Variants in LRRC4C observed in about 807,000 individuals in gnomAD.
LRRC4C encodes the protein leucine-rich repeat-containing protein 4C.
A neutral mutation model predicts 33.6 loss-of-function variants in LRRC4C; 5 were observed. The observed-to-expected ratio is 0.15, with a 90% CI of 0.08 to 0.31. The LOEUF is 0.31. Ranked by LOEUF, LRRC4C falls within the 10% of genes least tolerant of loss-of-function variation. The pLI, the probability that LRRC4C is intolerant of heterozygous loss-of-function variation, is 1.00. For synonymous variants in LRRC4C, 329 were observed against 302.0 expected, an observed-to-expected ratio of 1.09 and a Z score of -0.93; for missense variants, 560 against 796.7, an observed-to-expected ratio of 0.70 and a Z score of 3.58.
At chr11:41,434,422 T>C (rs1371882853) in intron 1 of LRRC4C, among the ~76,000 whole-genome samples, 3 of 152,126 alleles carry the variant, frequency 2.0e-5, no homozygotes, top group Non-Finnish European at 4.4e-5. Context: ...ACTTTGATGA[T>C]GTATGGTCAA....
chr11:40,324,788 T>C (rs55856339), intron 3 of LRRC4C, among the ~76,000 whole-genome samples: 2 of 152,070 alleles, frequency 1.3e-5, no homozygotes, highest in Non-Finnish European at 2.9e-5. Flanking sequence ...AAGGACAAGG[T>C]TGGGGTCAGA....
In LRRC4C at chr11:40,130,876, ATT is replaced by A. The variant is rs368182329; in HGVS notation, c.-43+9923_-43+9924del. Among the ~76,000 whole-genome samples the A allele has an allele frequency of 5.1e-4, 78 of 151,536 alleles. 2 individuals carry two copies. In the South Asian group the frequency reaches 0.016, roughly 31 times the overall value. ...CTTTAGATTGAAATTACCTACTCTGATTTTTTTTTAAATCAAAATTGTACCCA... is the reference window on the plus strand; with the variant it reads ...CTTTAGATTGAAATTACCTACTCTGATTTTTTTAAATCAAAATTGTACCCA... On this transcript the variant is annotated intron_variant, in intron 6 of 6. Coordinates refer to ENST00000528697, the MANE Select transcript of LRRC4C (RefSeq NM_001258419.2).
chr11:40,993,985 A>T (rs1592285572), intron 1 of LRRC4C, among the ~76,000 whole-genome samples: 1 of 152,056 alleles, frequency 6.6e-6, no homozygotes, highest in East Asian at 1.9e-4. Flanking sequence ...TGCTGTGGAT[A>T]ACGGGAACTG....
At chr11:40,204,696 C>A (rs982240121) in intron 5 of LRRC4C, among the ~76,000 whole-genome samples, 3 of 152,192 alleles carry the variant, frequency 2.0e-5, no homozygotes, top group African/African-American at 7.2e-5. Flanking sequence ...TTCCCCTTAA[C>A]AACCTCCAGG....
intron 3 of LRRC4C, among the ~76,000 whole-genome samples, chr11:40,378,464 T>A (rs1948741207): frequency 6.6e-6 from 1 of 152,086 alleles, no homozygotes; most frequent in Non-Finnish European, 1.5e-5. Flanking sequence ...AGTATTTTAT[T>A]AATACTGACT....
At chr11:40,139,302 G>A (rs1259614651) in intron 6 of LRRC4C, among the ~76,000 whole-genome samples, 1 of 152,152 alleles carries the variant, frequency 6.6e-6, no homozygotes, top group Admixed American at 6.5e-5. Context: ...TAAGTTAGGA[G>A]TGGAACACAG....
At chr11:41,090,052 T>G (rs1203371547) in intron 1 of LRRC4C, among the ~76,000 whole-genome samples, 1 of 152,040 alleles carries the variant, frequency 6.6e-6, no homozygotes, top group Non-Finnish European at 1.5e-5. Flanking sequence ...TGTCCAAATA[T>G]AGGAGCTATT....
chr11:40,723,799 A>G (rs1449869035), intron 2 of LRRC4C, among the ~76,000 whole-genome samples: 1 of 152,218 alleles, frequency 6.6e-6, no homozygotes, highest in Non-Finnish European at 1.5e-5. Flanking sequence ...CACCCACTTA[A>G]CAGACAAAGA....
At chr11:40,807,806 C>A (rs1433118873) in intron 2 of LRRC4C, among the ~76,000 whole-genome samples, 1 of 152,178 alleles carries the variant, frequency 6.6e-6, no homozygotes, top group Non-Finnish European at 1.5e-5. Context: ...TGTATGGGAT[C>A]TTAAGACAAA....
At chr11:41,358,113 A>G (rs1952225533) in intron 1 of LRRC4C, among the ~76,000 whole-genome samples, 1 of 152,170 alleles carries the variant, frequency 6.6e-6, no homozygotes, top group African/African-American at 2.4e-5. Context: ...AATATAGTTA[A>G]CTGGTGTTGA....
chr11:40,937,944 C>T (rs570874373), intron 1 of LRRC4C, among the ~76,000 whole-genome samples: 1 of 152,146 alleles, frequency 6.6e-6, no homozygotes, highest in African/African-American at 2.4e-5. Context: ...AGTGTGAGCT[C>T]CTGCACCCAG....
chr11:40,875,163 T>G (rs929688337), intron 2 of LRRC4C, among the ~76,000 whole-genome samples: 1 of 152,068 alleles, frequency 6.6e-6, no homozygotes, highest in Non-Finnish European at 1.5e-5. Context: ...AGGAAAAAAT[T>G]TACACAATAG....
At chr11:41,430,855 T>A (rs1484395743) in intron 1 of LRRC4C, among the ~76,000 whole-genome samples, 1 of 152,030 alleles carries the variant, frequency 6.6e-6, no homozygotes, top group Non-Finnish European at 1.5e-5. Context: ...TACTTACTAG[T>A]TGTTCTCATC....
chr11:40,250,916 A>C (rs1179956194), intron 4 of LRRC4C, among the ~76,000 whole-genome samples: 1 of 152,164 alleles, frequency 6.6e-6, no homozygotes, highest in Non-Finnish European at 1.5e-5. Context: ...CTCAGTAGTG[A>C]AATGTGCCTG....
intron 1 of LRRC4C, among the ~76,000 whole-genome samples, chr11:40,993,153 AT>A (rs1480857995): frequency 6.6e-6 from 1 of 152,102 alleles, no homozygotes; most frequent in Non-Finnish European, 1.5e-5. Context: ...ACTTCATTTC[AT>A]TTCATGTGCT....
intron 2 of LRRC4C, among the ~76,000 whole-genome samples, chr11:40,795,481 G>C (rs910376538): frequency 1.3e-5 from 2 of 152,142 alleles, no homozygotes; most frequent in Non-Finnish European, 2.9e-5. Context: ...AATGAGCCGA[G>C]ATCATGCCAC....
At chr11:40,216,870 C>A (rs954665223) in intron 5 of LRRC4C, among the ~76,000 whole-genome samples, 5 of 152,124 alleles carry the variant, frequency 3.3e-5, no homozygotes, top group African/African-American at 1.2e-4. Flanking sequence ...CCAAGTCAAT[C>A]TTTTTGAAAA....
intron 3 of LRRC4C, among the ~76,000 whole-genome samples, chr11:40,359,612 C>T (rs1947854857): frequency 6.6e-6 from 1 of 152,118 alleles, no homozygotes; most frequent in Non-Finnish European, 1.5e-5. Flanking sequence ...TATTTTGTGA[C>T]TAGATTAATC....
intron 1 of LRRC4C, among the ~76,000 whole-genome samples, chr11:41,096,453 C>T (rs1358408704): frequency 6.6e-6 from 1 of 152,266 alleles, no homozygotes; most frequent in South Asian, 2.1e-4. Flanking sequence ...ATCAGTCAGA[C>T]TTTAATCAGC....
Sources: gnomAD v4.1 joint callset for allele counts (sites outside exome capture counted in the v4.1 genomes callset) on GRCh38, gnomAD v4.1.1 for gene constraint, MANE v1.5 for transcripts, NCBI Gene and HGNC (gene_info 2026-07-23, HGNC 2026-07-21) for gene names.